CSMD1: variants seen among roughly 807,000 people sequenced by gnomAD.
CSMD1 encodes CUB and Sushi multiple domains 1.
Under a neutral mutation model 417.5 loss-of-function variants are expected in CSMD1, and 213 were observed. That is an observed-to-expected ratio of 0.51 (90% CI 0.46 to 0.57). The LOEUF (loss-of-function observed/expected upper bound fraction) is 0.57. Ranked by LOEUF, CSMD1 falls within the 20% of genes least tolerant of loss-of-function variation. The pLI, the probability that CSMD1 is intolerant of heterozygous loss-of-function variation, is 0.00. For missense variants in CSMD1, 6,923 were observed against 4,529.7 expected, an observed-to-expected ratio of 1.53 and a Z score of -15.17; for synonymous variants, 2,862 against 1,736.8, an observed-to-expected ratio of 1.65 and a Z score of -16.11.
At chr8:3,260,284 A>G (rs1800958674) in intron 26 of CSMD1, among the ~76,000 whole-genome samples, 1 of 152,160 alleles carries the variant, frequency 6.6e-6, no homozygotes, top group South Asian at 2.1e-4. Context: ...CGCCCAGAAT[A>G]GAAACGCCAC....
intron 1 of CSMD1, among the ~76,000 whole-genome samples, chr8:4,699,890 T>C (rs1563168867): frequency 6.6e-6 from 1 of 152,192 alleles, no homozygotes; most frequent in Non-Finnish European, 1.5e-5. Flanking sequence ...TTTTCAGATA[T>C]AATGGAATCC....
chr8:4,932,608 C>T (rs1232464490), intron 1 of CSMD1, among the ~76,000 whole-genome samples: 1 of 152,120 alleles, frequency 6.6e-6, no homozygotes, highest in Non-Finnish European at 1.5e-5. Context: ...CAAATAGACC[C>T]AACAGGGTAG....
At chr8:3,347,036 G>A (rs1808051769) in intron 22 of CSMD1, among the ~76,000 whole-genome samples, 1 of 152,124 alleles carries the variant, frequency 6.6e-6, no homozygotes, top group African/African-American at 2.4e-5. Context: ...TTGTCTTGCG[G>A]CACGCATAAA....
chr8:4,049,829 T>TG (rs150941166), intron 3 of CSMD1, among the ~76,000 whole-genome samples: 5,788 of 152,240 alleles, frequency 0.038, 349 homozygotes, highest in African/African-American at 0.12. Context: ...TTACAATCAG[T>TG]GACCAATATT....
intron 5 of CSMD1, among the ~76,000 whole-genome samples, chr8:3,842,286 CT>C (rs1224569734): frequency 6.6e-6 from 1 of 152,060 alleles, no homozygotes; most frequent in African/African-American, 2.4e-5. Context: ...TTATGAGGTT[CT>C]TTCACTTTTC....
chr8:3,932,054 T>C (rs1217283232), intron 5 of CSMD1, among the ~76,000 whole-genome samples: 2 of 149,640 alleles, frequency 1.3e-5, no homozygotes, highest in Admixed American at 6.6e-5. Context: ...CATCAGAGAG[T>C]AGGATTCAAT....
chr8:3,192,075 T>G (rs1796457939), intron 33 of CSMD1, among the ~76,000 whole-genome samples: 2 of 152,208 alleles, frequency 1.3e-5, no homozygotes, highest in African/African-American at 4.8e-5. Flanking sequence ...AGCAGTTCCA[T>G]GAAAACGGAA....
rs2129031789 is a variant in CSMD1, at chr8:3,142,561, G to A, written c.6145C>T (p.Leu2049Phe). The change falls in exon 41 of 70, where the codon CTC becomes TTC. Residue 2049 changes from leucine to phenylalanine, a missense_variant. Transcript: ENST00000635120. Reference sequence around the variant, plus strand: ...GTTGTGCTCAGCAGGGCCGCGGGGAGATCCGTGCCGCTAAATTGTCCAATC... The same window carrying A: ...GTTGTGCTCAGCAGGGCCGCGGGGAAATCCGTGCCGCTAAATTGTCCAATC... ...PMIGQFSGTD[L>F]PAALLSTTHE... is the part of the protein sequence containing the mutation. 5 of 1,614,002 alleles carry A rather than the reference G, an allele frequency of 3.1e-6. No individual in the cohort carries two copies. Among genetic ancestry groups the A allele is most frequent in the Non-Finnish European group, 3.4e-6 (4 of 1,179,892 alleles).
At chr8:4,368,696 T>C (rs1022230611) in intron 3 of CSMD1, among the ~76,000 whole-genome samples, 3 of 152,118 alleles carry the variant, frequency 2.0e-5, no homozygotes, top group Non-Finnish European at 2.9e-5. Context: ...TAATATGAGA[T>C]GTTGTGTATT....
At chr8:4,208,684 G>A (rs1002746871) in intron 3 of CSMD1, among the ~76,000 whole-genome samples, 6 of 152,118 alleles carry the variant, frequency 3.9e-5, no homozygotes, top group Non-Finnish European at 7.4e-5. Context: ...ACATCATGAT[G>A]AGTCAAGAAA....
chr8:4,191,873 T>A (rs1159255694), intron 3 of CSMD1, among the ~76,000 whole-genome samples: 1 of 151,714 alleles, frequency 6.6e-6, no homozygotes, highest in Non-Finnish European at 1.5e-5. Context: ...CTCAGCAACA[T>A]CAAAATTTGA....
At chr8:3,326,061 G>C (rs545873859) in intron 23 of CSMD1, among the ~76,000 whole-genome samples, 1 of 152,300 alleles carries the variant, frequency 6.6e-6, no homozygotes, top group Admixed American at 6.5e-5. Flanking sequence ...GGTGATCACA[G>C]ACCCTTATTA....
chr8:4,395,102 C>A, intron 3 of CSMD1, among the ~76,000 whole-genome samples: 1 of 152,286 alleles, frequency 6.6e-6, no homozygotes, highest in East Asian at 1.9e-4. Flanking sequence ...CATGAACCTC[C>A]GCTGGGAGAC....
chr8:4,235,374 T>C (rs1267836289), intron 3 of CSMD1, among the ~76,000 whole-genome samples: 2 of 152,128 alleles, frequency 1.3e-5, no homozygotes, highest in African/African-American at 2.4e-5. Context: ...TTTTTTTGTT[T>C]GTTTGTTTTT....
intron 2 of CSMD1, among the ~76,000 whole-genome samples, chr8:4,528,966 G>A (rs1796661684): frequency 6.6e-6 from 1 of 152,156 alleles, no homozygotes; most frequent in Admixed American, 6.5e-5. Context: ...ATTTTTGTTA[G>A]GTCTTTGTGA....
Position 4,137,216 on chromosome 8 carries a change from T to C in CSMD1, c.416-105117A>G, listed in dbSNP as rs191722254. Reference sequence around the variant, plus strand: ...CTCATCTTGCCTGGAAACAGTTGCCTTTAATTAATTCTCCATGATGCCTCT... The same window carrying C: ...CTCATCTTGCCTGGAAACAGTTGCCCTTAATTAATTCTCCATGATGCCTCT... On this transcript the variant is annotated intron_variant, in intron 3 of 69. Coordinates refer to ENST00000635120, the MANE Select transcript of CSMD1 (RefSeq NM_033225.6). Among the ~76,000 whole-genome samples the C allele has an allele frequency of 3.3e-4, 51 of 152,340 alleles. No homozygotes were observed. The Middle Eastern group carries it at 0.01, about 30-fold the overall frequency.
chr8:4,498,205 G>C (rs934970858), intron 2 of CSMD1, among the ~76,000 whole-genome samples: 2 of 152,114 alleles, frequency 1.3e-5, no homozygotes, highest in East Asian at 3.9e-4. Flanking sequence ...CTTAGCAGAC[G>C]GGGTTGAACG....
chr8:4,381,862 C>G (rs1169822232), intron 3 of CSMD1, among the ~76,000 whole-genome samples: 1 of 152,148 alleles, frequency 6.6e-6, no homozygotes, highest in African/African-American at 2.4e-5. Context: ...CACCTAGGCT[C>G]TCTTTGCGGA....
chr8:3,463,437 C>A (rs1016668563), intron 12 of CSMD1, among the ~76,000 whole-genome samples: 1 of 152,222 alleles, frequency 6.6e-6, no homozygotes, highest in Admixed American at 6.5e-5. Flanking sequence ...GTCAACTGAG[C>A]ATTCCCACAA....
Sources: gnomAD v4.1 joint callset for allele counts (sites outside exome capture counted in the v4.1 genomes callset) on GRCh38, gnomAD v4.1.1 for gene constraint, MANE v1.5 for transcripts, NCBI Gene and HGNC (gene_info 2026-07-23, HGNC 2026-07-21) for gene names.